Variants in ANLN observed in about 807,000 individuals in gnomAD.
ANLN encodes the protein anillin, actin binding protein, also known as anillin.
ANLN carries 59 observed loss-of-function variants against 135.1 expected under a neutral mutation model. The ratio of observed to expected loss-of-function variants is 0.44; its 90% CI spans 0.35 to 0.54. The LOEUF (loss-of-function observed/expected upper bound fraction) is 0.54, where lower values mean the gene tolerates loss of function less well. ANLN is among the 20% of genes least tolerant of loss of function. The pLI is 0.00. For missense variants in ANLN, 1,182 were observed against 1,340.0 expected (o/e 0.88, Z 1.84); for synonymous variants, 406 against 456.4 (o/e 0.89, Z 1.41).
Position 36,406,585 on chromosome 7 carries a change from G to T in ANLN, c.873+19G>T. The T allele has an allele frequency of 6.8e-7, 1 of 1,471,768 alleles. No homozygotes were observed. Among genetic ancestry groups the T allele is most frequent in the Non-Finnish European group, 9.0e-7 (1 of 1,113,370 alleles). The allele number at this position is 1,471,768 out of a possible 1,614,324, so 91.2% of individuals were successfully genotyped here. ...CTCTGTGGTAAGTCAGTATCATTTT[G>T]GTCTTTGGAAGCCTTTTCTTTTTTC... On this transcript the variant is annotated intron_variant, in intron 4 of 23. Coordinates refer to ENST00000265748, the MANE Select transcript of ANLN (RefSeq NM_018685.5).
chr7:36,403,899 A>G (rs1787075550), intron 3 of ANLN, among the ~76,000 whole-genome samples: 1 of 152,190 alleles, frequency 6.6e-6, no homozygotes, highest in Non-Finnish European at 1.5e-5. Context: ...GAGCTCAAGC[A>G]ATCCACCCGC....
chr7:36,448,201 A>G (rs1789095458), intron 22 of ANLN, among the ~76,000 whole-genome samples: 1 of 151,970 alleles, frequency 6.6e-6, no homozygotes, highest in Non-Finnish European at 1.5e-5. Context: ...TTCAGTAGAG[A>G]TGGGGTTTCA....
chr7:36,424,550 A>G lies in ANLN; in HGVS notation c.2609A>G (p.Asp870Gly), dbSNP rs1412963720. 1 of 1,597,956 alleles carries G rather than the reference A, an allele frequency of 6.3e-7. No individual in the cohort carries two copies. Among genetic ancestry groups the G allele is most frequent in the South Asian group, 1.1e-5 (1 of 88,246 alleles). ...LTFTTTFTLQDVSNDFEINIE... is the reference protein window; with the variant it reads ...LTFTTTFTLQGVSNDFEINIE... ...TTAATGCTTTATTTTTCCAGGCAAG[A>G]TGTATCCAATGACTTTGAAATAAAT... is the stretch of plus-strand genomic sequence containing the variant. The change falls in exon 16 of 24, where the codon GAT (aspartate) becomes GGT (glycine). Residue 870 changes from aspartate to glycine, a missense_variant. By Grantham distance (94) the Asp-to-Gly change is moderately conservative (BLOSUM62 -1). Around this residue, in one of 3 missense-constraint regions of ANLN, gnomAD observed 1,022 missense variants for 1,134.0 expected, o/e 0.90. Transcript: ENST00000265748.
At chr7:36,445,036 G>T (rs76184367) in intron 22 of ANLN, among the ~76,000 whole-genome samples, 1 of 151,648 alleles carries the variant, frequency 6.6e-6, no homozygotes, top group Non-Finnish European at 1.5e-5. Flanking sequence ...TCTCTCTCCC[G>T]CAGAGATAAC....
Position 36,400,610 on chromosome 7 carries a change from G to A in ANLN, c.487+1217G>A, listed in dbSNP as rs556642883. On this transcript the variant is annotated intron_variant, in intron 3 of 23. Transcript: ENST00000265748. ...AACTCCTGACCTCAAGTGATCACCCGCCTTGGCCTCCCAAGTGTTAGGATT... is the reference window on the plus strand; with the variant it reads ...AACTCCTGACCTCAAGTGATCACCCACCTTGGCCTCCCAAGTGTTAGGATT... Among the ~76,000 whole-genome samples the A allele has an allele frequency of 3.3e-5, 5 of 151,058 alleles. No homozygotes were observed. The South Asian group carries it at 1.0e-3, about 31-fold the overall frequency.
In ANLN at chr7:36,394,741, A is replaced by G. The variant is rs561493954; in HGVS notation, c.19-1525A>G. Among the ~76,000 whole-genome samples, 10 of 152,320 alleles carry G rather than the reference A, an allele frequency of 6.6e-5. No homozygotes were observed. The South Asian group carries it at 1.9e-3, about 28-fold the overall frequency. On this transcript the variant is annotated intron_variant, in intron 1 of 23. Coordinates refer to ENST00000265748, the MANE Select transcript of ANLN (RefSeq NM_018685.5). ...ATTTTAAGGAATTAAAAAGAGTCAA[A>G]TGGAATTTAATTTTTCAGCCTGCAC...
intron 3 of ANLN, among the ~76,000 whole-genome samples, chr7:36,401,163 T>C (rs1171033514): frequency 6.6e-6 from 1 of 152,214 alleles, no homozygotes; most frequent in Admixed American, 6.5e-5. Flanking sequence ...TTTTTTATTC[T>C]AATAGCGTTT....
intron 14 of ANLN, among the ~76,000 whole-genome samples, chr7:36,423,084 A>G (rs1469481592): frequency 6.6e-6 from 1 of 152,168 alleles, no homozygotes; most frequent in Non-Finnish European, 1.5e-5. Flanking sequence ...TTAAAATTTT[A>G]TTTGTGTGGA....
intron 20 of ANLN, among the ~76,000 whole-genome samples, chr7:36,430,764 C>T (rs1788279674): frequency 6.6e-6 from 1 of 152,114 alleles, no homozygotes; most frequent in Admixed American, 6.5e-5. Flanking sequence ...CCCTTTCACC[C>T]TCAAAAATAT....
intron 3 of ANLN, among the ~76,000 whole-genome samples, chr7:36,403,949 A>C (rs1029338467): frequency 2.0e-5 from 3 of 149,138 alleles, no homozygotes; most frequent in Admixed American, 2.0e-4. Context: ...GCATGAGCCC[A>C]CCGCTCCTTG....
At chr7:36,396,209 AT>A (rs1786688325) in intron 1 of ANLN, 56 bp from the exon 2 acceptor site, 1 of 1,466,830 alleles carries the variant, frequency 6.8e-7, no homozygotes, top group Non-Finnish European at 9.2e-7. Context: ...AGATACTGCA[AT>A]TTTATGAACC....
chr7:36,442,922 G>A (rs541108853), intron 21 of ANLN, among the ~76,000 whole-genome samples: 1 of 149,802 alleles, frequency 6.7e-6, no homozygotes, highest in South Asian at 2.1e-4. Flanking sequence ...GAGCCACTGC[G>A]CCTGGCCTTT....
At chr7:36,439,117 G>C in intron 20 of ANLN, 87 bp from the exon 21 acceptor site, 1 of 811,302 alleles carries the variant, frequency 1.2e-6, no homozygotes, top group East Asian at 2.5e-5. Flanking sequence ...AGTTGTAATA[G>C]TCTCTGTTCA....
chr7:36,426,560 A>C (rs2116695523), intron 19 of ANLN, among the ~76,000 whole-genome samples: 1 of 152,216 alleles, frequency 6.6e-6, no homozygotes, highest in African/African-American at 2.4e-5. Flanking sequence ...GTGGTGCAAG[A>C]GAGTTACTAA....
chr7:36,401,362 A>G (rs536699307), intron 3 of ANLN, among the ~76,000 whole-genome samples: 1 of 151,414 alleles, frequency 6.6e-6, no homozygotes, highest in Admixed American at 6.6e-5. Context: ...TTTTTGAGAC[A>G]GAGTCTCACT....
At chr7:36,390,379 G>T (rs1786389227) in intron 1 of ANLN, 2 of 367,308 alleles carry the variant, frequency 5.4e-6, no homozygotes, top group Non-Finnish European at 1.0e-5. Flanking sequence ...CTGCGGAACG[G>T]GTCCTGCTGG....
Position 36,420,160 on chromosome 7 carries a change from T to A in ANLN, c.1870-9T>A, listed in dbSNP as rs1309425212. On this transcript the variant is annotated splice_polypyrimidine_tract_variant and intron_variant, in intron 10 of 23. Coordinates refer to ENST00000265748, the MANE Select transcript of ANLN (RefSeq NM_018685.5). Reference sequence around the variant, plus strand: ...GATCAATGTTAATATCTGATGCGTTTTCCCACAGAGTTTAGTGTCCACACC... The same window carrying A: ...GATCAATGTTAATATCTGATGCGTTATCCCACAGAGTTTAGTGTCCACACC... 1 of 1,611,552 alleles carries A rather than the reference T, an allele frequency of 6.2e-7. No homozygotes were observed. Among genetic ancestry groups the A allele is most frequent in the Non-Finnish European group, 8.5e-7 (1 of 1,178,570 alleles).
rs1405837540 is a variant in ANLN, at chr7:36,407,931, A to T, written c.1071A>T (p.Gln357His). Residue 357 changes from glutamine (Q) to histidine (H), a missense_variant, in exon 5 of 24, where the codon CAA becomes CAT. Physicochemically the swap from Gln to His is conservative, Grantham distance 24 (BLOSUM62 0). This residue lies in a region of ANLN where 1,022 missense variants were observed against 1,134.0 expected (regional missense o/e 0.90). Coordinates refer to ENST00000265748, the MANE Select transcript of ANLN (RefSeq NM_018685.5). ...ELSREICLQS[Q>H]SKDKSTTPGG... Reference sequence around the variant, plus strand: ...GTAGAGAAATTTGTCTGCAATCTCAATCTAAAGACAAATCTACGACACCAG... The same window carrying T: ...GTAGAGAAATTTGTCTGCAATCTCATTCTAAAGACAAATCTACGACACCAG... The T allele has an allele frequency of 2.4e-5, 39 of 1,613,256 alleles. No homozygotes were observed. The highest frequency in any genetic ancestry group is 3.3e-5 in the Non-Finnish European group (39 of 1,179,534).
At chr7:36,401,361 C>T (rs1786937186) in intron 3 of ANLN, among the ~76,000 whole-genome samples, 1 of 152,104 alleles carries the variant, frequency 6.6e-6, no homozygotes, top group Admixed American at 6.5e-5. Context: ...TTTTTTGAGA[C>T]AGAGTCTCAC....
Sources: allele counts gnomAD v4.1 joint callset (sites outside exome capture counted in the v4.1 genomes callset), GRCh38; gene constraint gnomAD v4.1.1; regional missense constraint gnomAD v4.1.1; transcripts MANE v1.5; gene names NCBI Gene and HGNC (gene_info 2026-07-23, HGNC 2026-07-21).